The following LINGO2 variants were observed in gnomAD, a reference collection of about 807,000 sequenced individuals.
The protein encoded by LINGO2 is leucine rich repeat and Ig domain containing 2.
LINGO2 carries 14 observed loss-of-function variants against 30.6 expected under a neutral mutation model. The ratio of observed to expected loss-of-function variants is 0.46; its 90% CI spans 0.30 to 0.72. The LOEUF is 0.72. Among genes scored for constraint, LINGO2 ranks in the 30% least tolerant of loss-of-function variants. The probability of loss-of-function intolerance (pLI) is 0.07; values close to 1 mark genes in which losing one functional copy is unlikely to be tolerated. For synonymous variants in LINGO2, 317 were observed against 288.5 expected (o/e 1.10, Z -1.00); for missense variants, 729 against 751.7 (o/e 0.97, Z 0.35).
chr9:28,109,741 G>A (rs1031303043), intron 4 of LINGO2, among the ~76,000 whole-genome samples: 1 of 152,156 alleles, frequency 6.6e-6, no homozygotes, highest in Non-Finnish European at 1.5e-5. Context: ...GGAAATAAGA[G>A]AGGACACAAA....
chr9:28,944,724 G>T, the LINGO2 span, among the ~76,000 whole-genome samples: 1 of 152,038 alleles, frequency 6.6e-6, no homozygotes, highest in Non-Finnish European at 1.5e-5. Flanking sequence ...TCTTAAAAGA[G>T]GTTATTGACC....
the LINGO2 span, among the ~76,000 whole-genome samples, chr9:29,207,080 C>T: frequency 6.6e-6 from 1 of 151,304 alleles, no homozygotes; most frequent in Non-Finnish European, 1.5e-5. Context: ...TACATATATA[C>T]ATAGAGACTC....
At chr9:29,130,164 C>A in the LINGO2 span, among the ~76,000 whole-genome samples, 1 of 152,118 alleles carries the variant, frequency 6.6e-6, no homozygotes, top group East Asian at 1.9e-4. Context: ...GGCAATTGAA[C>A]TTTACCCATC....
chr9:28,852,362 C>A, the LINGO2 span, among the ~76,000 whole-genome samples: 2 of 151,902 alleles, frequency 1.3e-5, no homozygotes, highest in African/African-American at 4.8e-5. Flanking sequence ...TGCATTTTCA[C>A]CTCAAAGTAT....
intron 4 of LINGO2, among the ~76,000 whole-genome samples, chr9:28,166,762 G>T (rs776895691): frequency 2.0e-5 from 3 of 150,660 alleles, no homozygotes; most frequent in Non-Finnish European, 4.4e-5. Context: ...TCCAAAGTTG[G>T]GTCTTTATTT....
At chr9:28,374,228 A>ATATATATG (rs1554713032) in intron 2 of LINGO2, among the ~76,000 whole-genome samples, 23 of 146,982 alleles carry the variant, frequency 1.6e-4, no homozygotes, top group Non-Finnish European at 3.0e-4. Context: ...ATATATATAT[A>ATATATATG]TATGTAATAT....
At chr9:28,959,906 T>C in the LINGO2 span, among the ~76,000 whole-genome samples, 2 of 152,146 alleles carry the variant, frequency 1.3e-5, no homozygotes, top group African/African-American at 2.4e-5. Context: ...TGTGGGTAAA[T>C]ATAGTGTACA....
intron 4 of LINGO2, among the ~76,000 whole-genome samples, chr9:28,207,497 G>C (rs892308481): frequency 3.3e-5 from 5 of 151,962 alleles, no homozygotes; most frequent in Non-Finnish European, 7.4e-5. Context: ...GAAGGTACTG[G>C]TCTTGAAAAT....
chr9:28,149,204 T>A (rs748374988), intron 4 of LINGO2: 85 of 1,197,172 alleles, frequency 7.1e-5, no homozygotes, highest in Non-Finnish European at 1.0e-4. Flanking sequence ...AAAGAAGAGA[T>A]GGTAGGGCAG....
At chr9:28,980,714 C>T in the LINGO2 span, among the ~76,000 whole-genome samples, 1 of 152,210 alleles carries the variant, frequency 6.6e-6, no homozygotes, top group South Asian at 2.1e-4. Context: ...TCTGAGTCCA[C>T]TCCATTTAAA....
At chr9:28,399,547 AG>A (rs1399882198) in intron 2 of LINGO2, among the ~76,000 whole-genome samples, 1 of 152,236 alleles carries the variant, frequency 6.6e-6, no homozygotes, top group Non-Finnish European at 1.5e-5. Flanking sequence ...AATTCATTAA[AG>A]AAGAAATACA....
intron 4 of LINGO2, among the ~76,000 whole-genome samples, chr9:28,193,598 GA>G (rs1238283043): frequency 2.0e-5 from 3 of 152,202 alleles, no homozygotes; most frequent in East Asian, 3.9e-4. Context: ...TGTTTTAGGG[GA>G]AAAAAGGTAA....
Position 28,378,855 on chromosome 9 carries a change from C to T in LINGO2, c.-278-5987G>A, listed in dbSNP as rs530997671. Among the ~76,000 whole-genome samples the T allele has an allele frequency of 4.6e-5, 7 of 152,220 alleles. No individual in the cohort carries two copies. The South Asian group carries it at 1.5e-3, about 32-fold the overall frequency. On this transcript the variant is annotated intron_variant, in intron 2 of 5. Coordinates refer to ENST00000379992, the Ensembl canonical transcript of LINGO2. ...GCAAGAATGCACCTCAGTTTCTAGA[C>T]ATCAATATTCATGAGTTCAGGGAAG...
chr9:28,933,985 T>C, the LINGO2 span, among the ~76,000 whole-genome samples: 6 of 152,296 alleles, frequency 3.9e-5, no homozygotes, highest in African/African-American at 7.2e-5. Context: ...TTCTCTGATA[T>C]TTACGATGAC....
At chr9:28,613,707 G>A (rs1219475921) in intron 1 of LINGO2, among the ~76,000 whole-genome samples, 3 of 152,084 alleles carry the variant, frequency 2.0e-5, no homozygotes, top group African/African-American at 7.2e-5. Context: ...AGTAGTATAA[G>A]AACTAACTTC....
chr9:28,781,641 T>C, the LINGO2 span, among the ~76,000 whole-genome samples: 2 of 152,134 alleles, frequency 1.3e-5, no homozygotes, highest in African/African-American at 4.8e-5. Context: ...TGGCATCATA[T>C]AGTTACAAGA....
chr9:28,476,984 T>A (rs1031911583), intron 1 of LINGO2, among the ~76,000 whole-genome samples: 2 of 152,178 alleles, frequency 1.3e-5, no homozygotes, highest in Non-Finnish European at 2.9e-5. Flanking sequence ...GATCAATCAT[T>A]TCCTTCTTCC....
intron 4 of LINGO2, among the ~76,000 whole-genome samples, chr9:28,263,120 C>T (rs1205972817): frequency 6.6e-6 from 1 of 151,950 alleles, no homozygotes; most frequent in Non-Finnish European, 1.5e-5. Flanking sequence ...AATTTAGTTT[C>T]TTGCCACTGT....
At chr9:29,034,757 T>C in the LINGO2 span, among the ~76,000 whole-genome samples, 1 of 152,214 alleles carries the variant, frequency 6.6e-6, no homozygotes, top group Non-Finnish European at 1.5e-5. Flanking sequence ...ATCATCTTTT[T>C]ACTAATATCC....
Sources: gnomAD v4.1 joint callset for allele counts (sites outside exome capture counted in the v4.1 genomes callset) on GRCh38, gnomAD v4.1.1 for gene constraint, MANE v1.5 for transcripts, NCBI Gene and HGNC (gene_info 2026-07-23, HGNC 2026-07-21) for gene names.